The following ZFR2 variants were observed in gnomAD, a reference collection of about 807,000 sequenced individuals.
ZFR2 encodes zinc finger RNA-binding protein 2.
In ZFR2, 104 loss-of-function variants were observed where a neutral mutation model predicts 105.7. That is an observed-to-expected ratio of 0.98 (90% confidence interval 0.84 to 1.16). The LOEUF (loss-of-function observed/expected upper bound fraction) is 1.16, where lower values mean the gene tolerates loss of function less well. Ranked by LOEUF, ZFR2 falls within the 50% of genes most tolerant of loss-of-function variation. The pLI is 0.00. For synonymous variants in ZFR2, 634 were observed against 597.7 expected (o/e 1.06, Z -0.89); for missense variants, 1,425 against 1,355.5 (o/e 1.05, Z -0.80).
At chr19:3,849,118 G>T (rs2145179244) in intron 1 of ZFR2, among the ~76,000 whole-genome samples, 1 of 152,342 alleles carries the variant, frequency 6.6e-6, no homozygotes, top group Non-Finnish European at 1.5e-5. Flanking sequence ...GCTTCCCTGG[G>T]TCCTGAGACC....
intron 18 of ZFR2, 60 bp downstream of exon 18, chr19:3,807,112 A>C: frequency 7.6e-7 from 1 of 1,314,246 alleles, no homozygotes; most frequent in South Asian, 1.3e-5. Context: ...GGAACACTGC[A>C]CAGCTGCAAG....
chr19:3,851,503 C>T (rs746811624), intron 1 of ZFR2, among the ~76,000 whole-genome samples: 1 of 152,208 alleles, frequency 6.6e-6, no homozygotes, highest in Non-Finnish European at 1.5e-5. Flanking sequence ...TTCCATTCCA[C>T]TAAGCATGCT....
intron 1 of ZFR2, among the ~76,000 whole-genome samples, chr19:3,839,792 G>A (rs2038117580): frequency 6.6e-6 from 1 of 151,998 alleles, no homozygotes; most frequent in Non-Finnish European, 1.5e-5. Context: ...CCTCCCTAGG[G>A]TTGGTGGCTG....
At chr19:3,864,663 T>C (rs1232809402) in intron 1 of ZFR2, among the ~76,000 whole-genome samples, 1 of 152,224 alleles carries the variant, frequency 6.6e-6, no homozygotes, top group African/African-American at 2.4e-5. Flanking sequence ...ACAGACCCTG[T>C]TGGAGCTCCT....
Position 3,834,747 on chromosome 19 carries a change from C to T in ZFR2, c.264+26G>A, listed in dbSNP as rs536198630. Reference sequence around the variant, plus strand: ...CAAGGCGACCCACGTTTCCCGGCAACGCTGGTCAAAGAAAGGACTGGATAC... The same window carrying T: ...CAAGGCGACCCACGTTTCCCGGCAATGCTGGTCAAAGAAAGGACTGGATAC... On this transcript the variant is annotated intron_variant, in intron 2 of 18. Transcript: ENST00000262961. The surrounding 1 kb of genome is among the most constrained non-coding windows in gnomAD (Gnocchi z 5.3). The T allele has an allele frequency of 1.6e-5, 25 of 1,608,072 alleles. 1 individual carries two copies. The South Asian group carries it at 1.8e-4, about 11-fold the overall frequency.
chr19:3,829,549 G>C (rs1323314192), intron 5 of ZFR2, among the ~76,000 whole-genome samples: 1 of 151,756 alleles, frequency 6.6e-6, no homozygotes, highest in Non-Finnish European at 1.5e-5. Context: ...GTCTCGCCCT[G>C]TCGCCCAGGC....
At chr19:3,822,258 G>A (rs2037904940) in intron 8 of ZFR2, 58 bp from the exon 9 acceptor site, 5 of 1,536,220 alleles carry the variant, frequency 3.3e-6, no homozygotes, top group Non-Finnish European at 4.4e-6. Flanking sequence ...GATGTGAGAT[G>A]CTACCGCTGC....
intron 1 of ZFR2, chr19:3,852,616 TGGA>T (rs1348008358): frequency 1.4e-6 from 1 of 718,038 alleles, no homozygotes; most frequent in African/African-American, 1.7e-5. Context: ...ACTTCTGGAC[TGGA>T]AGAGTAGCAA....
chr19:3,833,608 C>T (rs2038043830), intron 3 of ZFR2, 56 bp downstream of exon 3: 1 of 1,372,546 alleles, frequency 7.3e-7, no homozygotes, highest in Non-Finnish European at 9.9e-7. Context: ...CCAAGGTTTC[C>T]CTGTGCTGCG....
chr19:3,808,062 T>A (rs1268257637), intron 17 of ZFR2, among the ~76,000 whole-genome samples: 1 of 144,948 alleles, frequency 6.9e-6, no homozygotes, highest in South Asian at 2.2e-4. Flanking sequence ...TGTGCGTGCA[T>A]GTGTGCCCGT....
intron 1 of ZFR2, among the ~76,000 whole-genome samples, chr19:3,845,183 G>A (rs911496679): frequency 3.9e-5 from 6 of 152,114 alleles, no homozygotes; most frequent in Non-Finnish European, 7.4e-5. Flanking sequence ...ATTGGATTAG[G>A]GCCCATTCTG....
intron 1 of ZFR2, among the ~76,000 whole-genome samples, chr19:3,845,628 C>CA (rs34786955): frequency 0.012 from 1,499 of 126,912 alleles, 24 homozygotes; most frequent in African/African-American, 0.035. Flanking sequence ...CCCATCTTTA[C>CA]AAAAAAAAAA....
rs771940143 is a variant in ZFR2 at position 3,822,162 on chromosome 19, G to A, written c.1410C>T (p.Cys470=). 1 of 1,607,752 alleles carries A rather than the reference G, an allele frequency of 6.2e-7. No homozygotes were observed. Among genetic ancestry groups the A allele is most frequent in the South Asian group, 1.1e-5 (1 of 89,666 alleles). ...CGTTGAAACTGCACTCGCACAGCTT[G>A]CAGTGGAAGCGAAGCACTCGCCCTT... ...SDEGRVLRFH[C]KLCECSFNDL... Residue 470 remains cysteine, a synonymous_variant, in exon 9 of 19, where the codon TGC becomes TGT. Coordinates refer to ENST00000262961, the MANE Select transcript of ZFR2 (RefSeq NM_015174.2).
At position 3,815,735 on chromosome 19, in the gene ZFR2, C is replaced by T. The variant is rs544037212; in HGVS notation, c.2103+939G>A. On this transcript the variant is annotated intron_variant, in intron 13 of 18. Coordinates refer to ENST00000262961, the MANE Select transcript of ZFR2 (RefSeq NM_015174.2). ...AGTAGCTGGGACCACAGGTACATGC[C>T]GCCATGCTCAGCTAATTTTTTTTTT... 6.0e-5 allele frequency among the ~76,000 whole-genome samples: 9 copies of T among 151,074 alleles called. No homozygotes were observed. In the Middle Eastern group the frequency reaches 0.01, roughly 171 times the overall value.
intron 1 of ZFR2, among the ~76,000 whole-genome samples, chr19:3,840,446 A>G (rs944518148): frequency 2.0e-5 from 3 of 152,116 alleles, no homozygotes; most frequent in Admixed American, 1.3e-4. Context: ...CATGTTGGCC[A>G]GGCTGGTCTT....
intron 16 of ZFR2, among the ~76,000 whole-genome samples, chr19:3,810,480 C>T (rs905808895): frequency 5.9e-5 from 9 of 152,202 alleles, no homozygotes; most frequent in Non-Finnish European, 8.8e-5. Flanking sequence ...CCCGGTGCCA[C>T]GAAGTCGGGC....
chr19:3,857,178 C>A (rs2038314199), intron 1 of ZFR2, among the ~76,000 whole-genome samples: 1 of 147,232 alleles, frequency 6.8e-6, no homozygotes, highest in South Asian at 2.1e-4. Context: ...ACCTCTGCCT[C>A]CTGGGCTCAA....
intron 1 of ZFR2, among the ~76,000 whole-genome samples, chr19:3,857,265 T>G (rs1292891558): frequency 6.6e-6 from 1 of 151,808 alleles, no homozygotes; most frequent in Non-Finnish European, 1.5e-5. Flanking sequence ...ATCTCCCACT[T>G]TTAAATGCTG....
chr19:3,817,755 C>CAA (rs1314161355), intron 12 of ZFR2, among the ~76,000 whole-genome samples: 7 of 64,360 alleles, frequency 1.1e-4, no homozygotes, highest in South Asian at 9.7e-4. Context: ...GACTCAGTCT[C>CAA]AAAAAAGAAA....
Sources: gnomAD v4.1 joint callset for allele counts (sites outside exome capture counted in the v4.1 genomes callset) on GRCh38, gnomAD v4.1.1 for gene constraint, Gnocchi (gnomAD v3.1) non-coding constraint, MANE v1.5 for transcripts, NCBI Gene and HGNC (gene_info 2026-07-23, HGNC 2026-07-21) for gene names.